Variants in BRD10 observed in about 807,000 individuals in gnomAD.
BRD10 encodes the protein bromodomain containing 10.
the BRD10 span, chr9:6,007,108 A>AGGCCCCT: frequency 7.3e-7 from 1 of 1,372,974 alleles, no homozygotes. Flanking sequence ...CGCCGCCCCC[A>AGGCCCCT]GGCCCCTGGC....
the BRD10 span, among the ~76,000 whole-genome samples, chr9:5,971,298 C>T: frequency 4.6e-5 from 7 of 152,060 alleles, no homozygotes; most frequent in African/African-American, 1.4e-4. Flanking sequence ...AACTAGAAAC[C>T]TCATACACTG....
the BRD10 span, chr9:5,923,371 C>G: frequency 8.0e-7 from 1 of 1,243,454 alleles, no homozygotes. Flanking sequence ...GTAATAACAT[C>G]AACTGTAAAA....
the BRD10 span, among the ~76,000 whole-genome samples, chr9:5,915,726 C>T: frequency 6.6e-6 from 1 of 152,114 alleles, no homozygotes; most frequent in Admixed American, 6.6e-5. Context: ...TTCTTTATTC[C>T]TCTAACTTAT....
At chr9:5,969,078 C>G in the BRD10 span, 1 of 1,613,342 alleles carries the variant, frequency 6.2e-7, no homozygotes. Flanking sequence ...TCAGTTTGCC[C>G]TACAGCAGTG....
chr9:5,900,077 A>G, the BRD10 span, among the ~76,000 whole-genome samples: 1 of 152,220 alleles, frequency 6.6e-6, no homozygotes, highest in African/African-American at 2.4e-5. Context: ...TACAAACTCA[A>G]TATGTTGGTA....
the BRD10 span, chr9:5,922,214 T>C: frequency 1.2e-6 from 2 of 1,614,014 alleles, no homozygotes; most frequent in Non-Finnish European, 1.7e-6. Flanking sequence ...TTCAGAAGAA[T>C]CAGCAGTCTG....
chr9:5,998,090 C>G, the BRD10 span, among the ~76,000 whole-genome samples: 1 of 151,990 alleles, frequency 6.6e-6, no homozygotes, highest in Admixed American at 6.6e-5. Context: ...ATCTCTAAGA[C>G]TAAACTTAGT....
At chr9:5,913,537 T>G in the BRD10 span, among the ~76,000 whole-genome samples, 1 of 152,032 alleles carries the variant, frequency 6.6e-6, no homozygotes. Context: ...ATAAAAAGTG[T>G]GAGAAACGGA....
the BRD10 span, among the ~76,000 whole-genome samples, chr9:5,893,104 C>A: frequency 6.6e-6 from 1 of 152,206 alleles, no homozygotes; most frequent in Non-Finnish European, 1.5e-5. Flanking sequence ...TTAAGCATTT[C>A]TAAATGCTAA....
the BRD10 span, among the ~76,000 whole-genome samples, chr9:6,007,007 G>A: frequency 6.6e-6 from 1 of 151,508 alleles, no homozygotes; most frequent in Non-Finnish European, 1.5e-5. Flanking sequence ...GCGCAAGCCG[G>A]GTTCGGCCCA....
At chr9:6,007,798 G>A in the BRD10 span, 6 of 1,502,370 alleles carry the variant, frequency 4.0e-6, no homozygotes, top group East Asian at 1.2e-4. Flanking sequence ...GCCCCGGCAG[G>A]CCTAGGCTGG....
the BRD10 span, among the ~76,000 whole-genome samples, chr9:5,933,436 G>A: frequency 2.0e-5 from 3 of 152,160 alleles, no homozygotes; most frequent in Non-Finnish European, 2.9e-5. Flanking sequence ...TAAATTTGAA[G>A]CTTACCTTTC....
chr9:5,936,538 C>G, the BRD10 span, among the ~76,000 whole-genome samples: 2 of 151,984 alleles, frequency 1.3e-5, no homozygotes, highest in Non-Finnish European at 2.9e-5. Context: ...TTTGTGCTCT[C>G]TATTTAGGCT....
chr9:6,000,383 G>A, the BRD10 span, among the ~76,000 whole-genome samples: 8 of 152,020 alleles, frequency 5.3e-5, no homozygotes, highest in African/African-American at 1.7e-4. Context: ...AAATGAAAAT[G>A]GCTATTATTT....
At chr9:5,987,437 A>G in the BRD10 span, among the ~76,000 whole-genome samples, 1 of 152,122 alleles carries the variant, frequency 6.6e-6, no homozygotes, top group African/African-American at 2.4e-5. Flanking sequence ...GCTACTGTCA[A>G]GTTAATCTTT....
chr9:6,005,764 T>C, the BRD10 span, among the ~76,000 whole-genome samples: 6 of 152,226 alleles, frequency 3.9e-5, no homozygotes, highest in South Asian at 1.0e-3. Context: ...ACAGCAATAA[T>C]GCACTGTGGA....
the BRD10 span, among the ~76,000 whole-genome samples, chr9:5,946,000 T>C: frequency 2.0e-5 from 3 of 152,190 alleles, no homozygotes; most frequent in East Asian, 3.9e-4. Flanking sequence ...GGGGACTGTT[T>C]TCCTAAAGGG....
At chr9:5,934,615 C>T in the BRD10 span, among the ~76,000 whole-genome samples, 1 of 152,068 alleles carries the variant, frequency 6.6e-6, no homozygotes, top group Non-Finnish European at 1.5e-5. Flanking sequence ...ATCCACCTGC[C>T]TTGGCCTCCT....
chr9:5,999,926 T>C, the BRD10 span, among the ~76,000 whole-genome samples: 1 of 152,284 alleles, frequency 6.6e-6, no homozygotes, highest in East Asian at 1.9e-4. Context: ...TTTTGAACAC[T>C]GTGTCCATCC....
Sources: gnomAD v4.1 joint callset for allele counts (sites outside exome capture counted in the v4.1 genomes callset) on GRCh38, gnomAD v4.1.1 for gene constraint, MANE v1.5 for transcripts, NCBI Gene and HGNC (gene_info 2026-07-23, HGNC 2026-07-21) for gene names.